The following LRPPRC variants were observed in gnomAD, a reference collection of about 807,000 sequenced individuals.
The protein encoded by LRPPRC is leucine-rich PPR motif-containing protein, mitochondrial.
LRPPRC carries 120 observed loss-of-function variants against 180.3 expected under a neutral mutation model. The observed-to-expected ratio is 0.67, with a 90% CI of 0.57 to 0.77. The LOEUF is 0.77. LRPPRC is among the 30% of genes least tolerant of loss of function. The pLI is 0.00. For missense variants in LRPPRC, 2,012 were observed against 1,657.2 expected, an observed-to-expected ratio of 1.21 and a Z score of -3.72; for synonymous variants, 723 against 600.0, an observed-to-expected ratio of 1.21 and a Z score of -3.00.
chr2:43,964,822 G>A (rs1559023911), intron 11 of LRPPRC, among the ~76,000 whole-genome samples: 1 of 152,014 alleles, frequency 6.6e-6, no homozygotes, highest in African/African-American at 2.4e-5. Flanking sequence ...CCAATGCAAC[G>A]GAACAAAGAA....
At chr2:43,910,417 T>C (rs954850846) in intron 30 of LRPPRC, among the ~76,000 whole-genome samples, 13 of 152,200 alleles carry the variant, frequency 8.5e-5, no homozygotes, top group Admixed American at 8.5e-4. Context: ...ATATTTTTAG[T>C]AGAGATGGGG....
At chr2:43,940,109 G>A (rs978042222) in intron 23 of LRPPRC, among the ~76,000 whole-genome samples, 1 of 152,136 alleles carries the variant, frequency 6.6e-6, no homozygotes. Context: ...GATCCTTGAC[G>A]AAAAATCATC....
chr2:43,953,372 C>T (rs1371947373), intron 14 of LRPPRC, among the ~76,000 whole-genome samples: 2 of 152,172 alleles, frequency 1.3e-5, no homozygotes, highest in African/African-American at 2.4e-5. Context: ...CAATGGTATA[C>T]AGTTTTAGGA....
chr2:43,893,841 C>A (rs1218556073), intron 36 of LRPPRC, among the ~76,000 whole-genome samples: 2 of 152,136 alleles, frequency 1.3e-5, no homozygotes, highest in African/African-American at 4.8e-5. Context: ...AATTCTGATT[C>A]TTGAGTCTGT....
intron 25 of LRPPRC, among the ~76,000 whole-genome samples, chr2:43,927,461 T>C (rs190256347): frequency 6.6e-6 from 1 of 152,324 alleles, no homozygotes. Context: ...AAATTAGTCA[T>C]TGAAATACAG....
chr2:43,908,920 A>G (rs1327617518), intron 30 of LRPPRC, among the ~76,000 whole-genome samples: 1 of 152,240 alleles, frequency 6.6e-6, no homozygotes, highest in Non-Finnish European at 1.5e-5. Flanking sequence ...TAAGACTGCC[A>G]GAATAATACT....
At chr2:43,983,823 C>G (rs1376783812) in intron 1 of LRPPRC, among the ~76,000 whole-genome samples, 1 of 152,066 alleles carries the variant, frequency 6.6e-6, no homozygotes, top group Non-Finnish European at 1.5e-5. Flanking sequence ...GGTTTCACCT[C>G]AAGTTTATAT....
chr2:43,917,659 G>A (rs1291349836), intron 29 of LRPPRC, among the ~76,000 whole-genome samples: 1 of 151,966 alleles, frequency 6.6e-6, no homozygotes, highest in Non-Finnish European at 1.5e-5. Context: ...CGTGGGGGCG[G>A]ACACCTGTAG....
intron 36 of LRPPRC, chr2:43,890,133 T>C: frequency 3.9e-6 from 2 of 513,476 alleles, no homozygotes; most frequent in South Asian, 4.2e-5. Flanking sequence ...ATAATATTGA[T>C]ACCATTCACT....
At chr2:43,902,823 C>T (rs917242345) in intron 31 of LRPPRC, 1 of 151,890 alleles carries the variant, frequency 6.6e-6, no homozygotes, top group Non-Finnish European at 1.5e-5. Context: ...GAGGCTCTTC[C>T]CACAGTACAT....
In LRPPRC at chr2:43,937,021, G is replaced by A. The variant is rs909463980; in HGVS notation, c.2505-2143C>T. 3.9e-5 allele frequency among the ~76,000 whole-genome samples: 6 copies of A among 151,922 alleles called. 1 individual carries two copies. Among genetic ancestry groups the A allele is most frequent in the Admixed American group, 2.6e-4 (4 of 15,254 alleles). ...CACACATACGATTTTTTTTTAAGTG[G>A]CATGATTTGCTTTTCCAGATCAATT... On this transcript the variant is annotated intron_variant, in intron 23 of 37. Transcript: ENST00000260665.
chr2:43,930,242 G>A (rs967291791), intron 25 of LRPPRC, among the ~76,000 whole-genome samples: 1 of 151,374 alleles, frequency 6.6e-6, no homozygotes, highest in Non-Finnish European at 1.5e-5. Flanking sequence ...AGGGAGAGAG[G>A]GAAAAGTCAA....
chr2:43,921,980 T>C (rs1215039171), intron 27 of LRPPRC, among the ~76,000 whole-genome samples: 4 of 152,236 alleles, frequency 2.6e-5, no homozygotes, highest in Admixed American at 6.5e-5. Context: ...CTACTTTCTA[T>C]CTGTAAAGAA....
chr2:43,991,444 T>A (rs1423874730), intron 1 of LRPPRC, among the ~76,000 whole-genome samples: 1 of 152,214 alleles, frequency 6.6e-6, no homozygotes, highest in African/African-American at 2.4e-5. Flanking sequence ...AAGAACAATA[T>A]GTAATTTTCA....
chr2:43,992,430 G>A (rs546660958), intron 1 of LRPPRC, among the ~76,000 whole-genome samples: 2 of 152,326 alleles, frequency 1.3e-5, no homozygotes, highest in East Asian at 3.9e-4. Flanking sequence ...AACGCAGGAT[G>A]CCATGGGAGG....
chr2:43,901,573 CT>C, intron 31 of LRPPRC, 49 bp from the exon 32 acceptor site: 1 of 1,207,210 alleles, frequency 8.3e-7, no homozygotes. Flanking sequence ...CCTGTGCTGA[CT>C]TTAATGCATT....
intron 1 of LRPPRC, among the ~76,000 whole-genome samples, chr2:43,983,566 A>G (rs1674402542): frequency 6.6e-6 from 1 of 152,168 alleles, no homozygotes; most frequent in South Asian, 2.1e-4. Flanking sequence ...TTAACAAATG[A>G]TTTCTAATTA....
chr2:43,906,280 T>C (rs539012073), intron 30 of LRPPRC, among the ~76,000 whole-genome samples: 61 of 152,338 alleles, frequency 4.0e-4, no homozygotes, highest in African/African-American at 1.4e-3. Flanking sequence ...ATTTCTGCCA[T>C]CTAGATTCAT....
chr2:43,965,485 G>C (rs1673516635), intron 11 of LRPPRC, among the ~76,000 whole-genome samples: 1 of 152,102 alleles, frequency 6.6e-6, no homozygotes, highest in African/African-American at 2.4e-5. Context: ...TGAGACCAAA[G>C]CACAGACAAT....
Sources: gnomAD v4.1 joint callset for allele counts (sites outside exome capture counted in the v4.1 genomes callset) on GRCh38, gnomAD v4.1.1 for gene constraint, MANE v1.5 for transcripts, NCBI Gene and HGNC (gene_info 2026-07-23, HGNC 2026-07-21) for gene names.